The following UGT1A7 variants were observed in gnomAD, a reference collection of about 807,000 sequenced individuals.
UGT1A7 encodes UDP glucuronosyltransferase family 1 member A7.
UGT1A7 carries 33 observed loss-of-function variants against 45.6 expected under a neutral mutation model. The ratio of observed to expected loss-of-function variants is 0.72; its 90% CI spans 0.55 to 0.97. The LOEUF (loss-of-function observed/expected upper bound fraction) is 0.97. Ranked by LOEUF, UGT1A7 falls within the 50% of genes least tolerant of loss-of-function variation. UGT1A7 has a pLI of 0.00. For synonymous variants in UGT1A7, 274 were observed against 250.6 expected (o/e 1.09, Z -0.88); for missense variants, 684 against 666.2 (o/e 1.03, Z -0.29).
At chr2:233,766,993 T>C in intron 1 of UGT1A7, 41 bp from the exon 2 acceptor site, 1 of 1,613,496 alleles carries the variant, frequency 6.2e-7, no homozygotes, top group South Asian at 1.1e-5. Context: ...CATCAAAGAA[T>C]ATGAGAAAAA....
At position 233,772,525 on chromosome 2, in the gene UGT1A7, G is replaced by T; in HGVS notation, c.1559G>T (p.Arg520Leu). The change falls in exon 5 of 5, where the codon CGA becomes CTA. Residue 520 changes from arginine (R) to leucine (L), a missense_variant. Arg to Leu is a moderately radical substitution (Grantham distance 102). Transcript: ENST00000373426. ...CGGAAATGCTTGGGGAAAAAAGGGCGAGTTAAGAAAGCCCACAAATCCAAG... is the reference window on the plus strand; with the variant it reads ...CGGAAATGCTTGGGGAAAAAAGGGCTAGTTAAGAAAGCCCACAAATCCAAG... ...GYRKCLGKKGRVKKAHKSKTH is the reference protein window; with the variant it reads ...GYRKCLGKKGLVKKAHKSKTH 6.2e-6 allele frequency: 10 copies of T among 1,614,136 alleles called. No individual in the cohort carries two copies. The highest frequency in any genetic ancestry group is 8.5e-6 in the Non-Finnish European group (10 of 1,180,024).
intron 1 of UGT1A7, among the ~76,000 whole-genome samples, chr2:233,701,689 A>C (rs2075646805): frequency 6.6e-6 from 1 of 152,184 alleles, no homozygotes; most frequent in African/African-American, 2.4e-5. Context: ...AATTAAGAAA[A>C]TCACTCAAAA....
At chr2:233,757,520 A>G (rs1696548795) in intron 1 of UGT1A7, among the ~76,000 whole-genome samples, 1 of 144,544 alleles carries the variant, frequency 6.9e-6, no homozygotes. Flanking sequence ...CAAAGCCAAA[A>G]TCTTGCCTGT....
intron 1 of UGT1A7, chr2:233,690,788 C>T (rs1272756099): frequency 8.7e-7 from 1 of 1,145,542 alleles, no homozygotes; most frequent in African/African-American, 1.7e-5. Context: ...CACACACACA[C>T]ACACACACAC....
At position 233,772,459 on chromosome 2, in the gene UGT1A7, C is replaced by G. The variant is rs1268705566; in HGVS notation, c.1493C>G (p.Thr498Arg). The change falls in exon 5 of 5, where the codon ACA becomes AGA. Residue 498 changes from threonine to arginine, a missense_variant. Coordinates refer to ENST00000373426, the MANE Select transcript of UGT1A7 (RefSeq NM_019077.3). ...VIGFLLAVVL[T>R]VAFITFKCCA... is the part of the protein sequence containing the mutation. Reference sequence around the variant, plus strand: ...GGTTTCCTCTTGGCCGTCGTGCTGACAGTGGCCTTCATCACCTTTAAATGT... The same window carrying G: ...GGTTTCCTCTTGGCCGTCGTGCTGAGAGTGGCCTTCATCACCTTTAAATGT... 5 of 1,614,074 alleles carry G rather than the reference C, an allele frequency of 3.1e-6. No individual in the cohort carries two copies. In the Admixed American group the frequency reaches 8.3e-5, roughly 27 times the overall value.
intron 1 of UGT1A7, chr2:233,717,647 G>A (rs2076594921): frequency 1.2e-5 from 5 of 402,786 alleles, no homozygotes; most frequent in Admixed American, 5.2e-5. Context: ...GGGCGACCAG[G>A]ACAAGGAAGC....
intron 1 of UGT1A7, chr2:233,747,267 CCTT>C: frequency 6.3e-7 from 1 of 1,599,532 alleles, no homozygotes; most frequent in Non-Finnish European, 8.5e-7. Context: ...GAGTGCTACT[CCTT>C]CTCAGTGCCC....
At chr2:233,731,530 C>T (rs149780205) in intron 1 of UGT1A7, among the ~76,000 whole-genome samples, 2,259 of 152,174 alleles carry the variant, frequency 0.015, 22 homozygotes, top group Non-Finnish European at 0.022. Flanking sequence ...TGAGAACATG[C>T]GGTGTTTGGT....
intron 1 of UGT1A7, among the ~76,000 whole-genome samples, chr2:233,695,554 A>G (rs1000632787): frequency 6.6e-6 from 1 of 151,596 alleles, no homozygotes; most frequent in Non-Finnish European, 1.5e-5. Flanking sequence ...AATTTTAACC[A>G]ACCATTTTCA....
intron 1 of UGT1A7, among the ~76,000 whole-genome samples, chr2:233,720,965 C>T (rs921825655): frequency 2.6e-5 from 4 of 151,612 alleles, no homozygotes; most frequent in Admixed American, 6.6e-5. Flanking sequence ...CCCGCCTCGG[C>T]CTCCCAAAGT....
At chr2:233,768,524 T>C (rs1008769562) in intron 4 of UGT1A7, 85 bp downstream of exon 4, 5 of 1,531,904 alleles carry the variant, frequency 3.3e-6, no homozygotes, top group Non-Finnish European at 4.4e-6. Context: ...ACGTAGCATT[T>C]AATAGCGTTG....
In UGT1A7 at chr2:233,750,906, G is replaced by C. The variant is rs147161885; in HGVS notation, c.856-16128G>C. Among the ~76,000 whole-genome samples, 893 of 152,034 alleles carry C rather than the reference G, an allele frequency of 5.9e-3. 37 individuals carry two copies. Among genetic ancestry groups the C allele is most frequent in the African/African-American group, 0.021 (857 of 41,250 alleles). On this transcript the variant is annotated intron_variant, in intron 1 of 4. Coordinates refer to ENST00000373426, the MANE Select transcript of UGT1A7 (RefSeq NM_019077.3). ...GCCCTTATAGAGAACCTCTGCTAGA[G>C]AAGGGTGGTAAAGAAATGTGAGGTT...
At position 233,769,704 on chromosome 2, in the gene UGT1A7, T is replaced by A; in HGVS notation, c.1295+1265T>A. 6.6e-7 allele frequency: 1 copy of A among 1,519,548 alleles called. No homozygotes were observed. Among genetic ancestry groups the A allele is most frequent in the Non-Finnish European group, 8.8e-7 (1 of 1,132,514 alleles). 94.1% of individuals were successfully genotyped at this position (1,519,548 alleles called of 1,614,324 possible). On this transcript the variant is annotated intron_variant, in intron 4 of 4. Transcript: ENST00000373426. This position sits in a 1 kb window ranked among gnomAD's most constrained non-coding sequence, Gnocchi z 4.4. ...GTGGTGGCACTGGATAAAAGATCAA[T>A]GTTGGCTAGGCACCATGGCACACGC... is the stretch of plus-strand genomic sequence containing the variant.
At chr2:233,755,032 C>G (rs753512191) in intron 1 of UGT1A7, 1 of 1,314,500 alleles carries the variant, frequency 7.6e-7, no homozygotes, top group South Asian at 1.1e-5. Flanking sequence ...AAGGGCCTGC[C>G]GCCTGCGCAG....
rs116067611 is a variant in UGT1A7 at position 233,693,093 on chromosome 2, T to G, written c.855+10301T>G. The G allele has an allele frequency of 3.1e-6, 5 of 1,614,220 alleles. No homozygotes were observed. The East Asian group carries it at 1.1e-4, about 36-fold the overall frequency. ...GGCATGGTTGTAGGTGACAAGCTGCTGGTGGTCCCTCAGGACGGAAGCCAC... is the reference window on the plus strand; with the variant it reads ...GGCATGGTTGTAGGTGACAAGCTGCGGGTGGTCCCTCAGGACGGAAGCCAC... On this transcript the variant is annotated intron_variant, in intron 1 of 4. Coordinates refer to ENST00000373426, the MANE Select transcript of UGT1A7 (RefSeq NM_019077.3).
At chr2:233,771,266 TTTTC>T (rs1700270540) in intron 4 of UGT1A7, 1 of 152,178 alleles carries the variant, frequency 6.6e-6, no homozygotes, top group Non-Finnish European at 1.5e-5. Context: ...GTGCCTTTTT[TTTTC>T]TTTCTTCTCC....
At chr2:233,758,941 T>C (rs1697024496) in intron 1 of UGT1A7, among the ~76,000 whole-genome samples, 1 of 152,230 alleles carries the variant, frequency 6.6e-6, no homozygotes, top group Non-Finnish European at 1.5e-5. Flanking sequence ...TTCAAATCAG[T>C]CATCAGAATT....
At chr2:233,767,733 C>A in intron 2 of UGT1A7, 116 bp from the exon 3 acceptor site, 1 of 1,566,288 alleles carries the variant, frequency 6.4e-7, no homozygotes, top group Non-Finnish European at 8.7e-7. Flanking sequence ...CTGATCCTCC[C>A]ACTCTGTTAA....
chr2:233,682,890 T>C (rs911018992), intron 1 of UGT1A7, 98 bp downstream of exon 1: 6 of 1,508,230 alleles, frequency 4.0e-6, no homozygotes, highest in Non-Finnish European at 3.5e-6. Context: ...TTTGTCCCAT[T>C]TGGAATTTCT....
Sources: gnomAD v4.1 joint callset for allele counts (sites outside exome capture counted in the v4.1 genomes callset) on GRCh38, gnomAD v4.1.1 for gene constraint, Gnocchi (gnomAD v3.1) non-coding constraint, MANE v1.5 for transcripts, NCBI Gene and HGNC (gene_info 2026-07-23, HGNC 2026-07-21) for gene names.